Variants in KCNAB1 observed in about 807,000 individuals in gnomAD.
KCNAB1 encodes the protein voltage-gated potassium channel subunit beta-1.
In KCNAB1, 35 loss-of-function variants were observed where a neutral mutation model predicts 64.6. The ratio of observed to expected loss-of-function variants is 0.54; its 90% CI spans 0.41 to 0.72. The LOEUF (loss-of-function observed/expected upper bound fraction) is 0.72, where lower values mean the gene tolerates loss of function less well. Ranked by LOEUF, KCNAB1 falls within the 30% of genes least tolerant of loss-of-function variation. The probability of loss-of-function intolerance (pLI) is 0.00; values close to 1 mark genes in which losing one functional copy is unlikely to be tolerated. For missense variants in KCNAB1, 401 were observed against 512.9 expected (o/e 0.78, Z 2.11); for synonymous variants, 177 against 183.8 (o/e 0.96, Z 0.30).
chr3:156,319,100 C>T (rs1560193346), intron 1 of KCNAB1, among the ~76,000 whole-genome samples: 1 of 151,998 alleles, frequency 6.6e-6, no homozygotes, highest in Admixed American at 6.6e-5. Context: ...CAAAGCTTTA[C>T]AATTAAAAGA....
At chr3:156,499,249 T>TTGGC (rs1716216065) in intron 8 of KCNAB1, among the ~76,000 whole-genome samples, 1 of 152,234 alleles carries the variant, frequency 6.6e-6, no homozygotes, top group Non-Finnish European at 1.5e-5. Context: ...CAGTCCTGAT[T>TTGGC]TGGCTCCTTC....
At chr3:156,403,781 C>G (rs1385226427) in intron 1 of KCNAB1, among the ~76,000 whole-genome samples, 2 of 152,014 alleles carry the variant, frequency 1.3e-5, no homozygotes, top group Non-Finnish European at 2.9e-5. Flanking sequence ...GTAATCCCAG[C>G]TACTCAGGAG....
chr3:156,497,260 A>G (rs1277713598), intron 8 of KCNAB1, among the ~76,000 whole-genome samples: 1 of 152,178 alleles, frequency 6.6e-6, no homozygotes, highest in Non-Finnish European at 1.5e-5. Context: ...TAACATTAAG[A>G]AAGCATCTCC....
chr3:156,128,407 T>C (rs1211952626), intron 1 of KCNAB1, among the ~76,000 whole-genome samples: 3 of 152,380 alleles, frequency 2.0e-5, no homozygotes, highest in Middle Eastern at 3.4e-3. Context: ...AAAAATTCTC[T>C]TTGATTTTCA....
rs558408114 is a variant in KCNAB1 at position 156,451,926 on chromosome 3, T to C, written c.320-973T>C. ...CCTAGAATGCCACCACCCTCCAATC[T>C]AAATAGAGCACTCCCTTTTATCTGC... On this transcript the variant is annotated intron_variant, in intron 2 of 13. Coordinates refer to ENST00000490337, the MANE Select transcript of KCNAB1 (RefSeq NM_172160.3). Among the ~76,000 whole-genome samples the C allele has an allele frequency of 1.8e-4, 27 of 152,240 alleles. No homozygotes were observed. The South Asian group carries it at 4.6e-3, about 26-fold the overall frequency.
rs150921882 is a variant in KCNAB1 at position 156,120,757 on chromosome 3, C to T, written c.146C>T (p.Pro49Leu). ...AACGCTAAAGACAGCAGCCTTAGTC[C>T]CTCAGGGGAAAGCCAGCTCAGGGCG... The part of the protein sequence containing the change: ...SENAKDSSLS[P>L]SGESQLRARQ... The change falls in exon 1 of 14, where the codon CCC (proline) becomes CTC (leucine). Residue 49 changes from proline (P) to leucine (L), a missense_variant. Pro to Leu is a moderately conservative substitution (Grantham distance 98). Coordinates refer to ENST00000490337, the MANE Select transcript of KCNAB1 (RefSeq NM_172160.3). 14 of 1,613,782 alleles carry T rather than the reference C, an allele frequency of 8.7e-6. No individual in the cohort carries two copies. In the African/African-American group the frequency reaches 1.6e-4, roughly 18 times the overall value.
chr3:156,392,039 G>A (rs933240474), intron 1 of KCNAB1, among the ~76,000 whole-genome samples: 1 of 152,052 alleles, frequency 6.6e-6, no homozygotes, highest in Non-Finnish European at 1.5e-5. Context: ...TTTCTCATTC[G>A]GGCCCCACTC....
chr3:156,238,384 T>C (rs1257159944), intron 1 of KCNAB1, among the ~76,000 whole-genome samples: 3 of 137,706 alleles, frequency 2.2e-5, no homozygotes, highest in African/African-American at 5.6e-5. Context: ...ATCACGCCAC[T>C]GCACTCTGGC....
intron 1 of KCNAB1, among the ~76,000 whole-genome samples, chr3:156,211,843 T>C (rs1014367017): frequency 6.6e-6 from 1 of 152,222 alleles, no homozygotes; most frequent in Non-Finnish European, 1.5e-5. Flanking sequence ...CAGAATTTCT[T>C]ATCTGAGATG....
chr3:156,153,372 C>A (rs929422122), intron 1 of KCNAB1, among the ~76,000 whole-genome samples: 1 of 152,164 alleles, frequency 6.6e-6, no homozygotes, highest in African/African-American at 2.4e-5. Flanking sequence ...TGGCATAGCC[C>A]ACTGTATGTT....
intron 8 of KCNAB1, among the ~76,000 whole-genome samples, chr3:156,498,032 G>A (rs1019124873): frequency 1.3e-5 from 2 of 152,116 alleles, no homozygotes; most frequent in Non-Finnish European, 2.9e-5. Context: ...TTTGAAAAGA[G>A]CCCCTGTCAA....
At chr3:156,374,409 G>GCCTC in intron 1 of KCNAB1, among the ~76,000 whole-genome samples, 3 of 85,258 alleles carry the variant, frequency 3.5e-5, no homozygotes, top group East Asian at 2.1e-4. Flanking sequence ...TTTCAGTGTT[G>GCCTC]AGCCATACCC....
chr3:156,215,736 T>A (rs1715275544), intron 1 of KCNAB1: 1 of 152,276 alleles, frequency 6.6e-6, no homozygotes, highest in South Asian at 2.1e-4. Flanking sequence ...CATCACAGGC[T>A]ACCTGGGGAG....
At chr3:156,223,747 C>T (rs1196821424) in intron 1 of KCNAB1, among the ~76,000 whole-genome samples, 1 of 152,210 alleles carries the variant, frequency 6.6e-6, no homozygotes, top group Non-Finnish European at 1.5e-5. Flanking sequence ...GTTTACAAAC[C>T]TTGAGCTAGA....
intron 1 of KCNAB1, among the ~76,000 whole-genome samples, chr3:156,220,568 A>AT (rs1211567313): frequency 6.6e-6 from 1 of 151,518 alleles, no homozygotes; most frequent in Non-Finnish European, 1.5e-5. Flanking sequence ...TGGAGTTTTG[A>AT]TTTTTTCTTG....
At chr3:156,291,811 C>T in intron 1 of KCNAB1, 2 of 1,579,278 alleles carry the variant, frequency 1.3e-6, no homozygotes, top group Non-Finnish European at 1.7e-6. Context: ...GCAAGGAGGG[C>T]TTAAAAGAAA....
At chr3:156,327,188 G>T (rs943012890) in intron 1 of KCNAB1, among the ~76,000 whole-genome samples, 1 of 152,162 alleles carries the variant, frequency 6.6e-6, no homozygotes, top group Non-Finnish European at 1.5e-5. Context: ...GACAGCAGAA[G>T]AATTTTGTGT....
At chr3:156,441,457 A>G (rs1716990565) in intron 2 of KCNAB1, 1 of 152,232 alleles carries the variant, frequency 6.6e-6, no homozygotes, top group African/African-American at 2.4e-5. Flanking sequence ...TAAATAAAAA[A>G]GAAATAAAAA....
intron 1 of KCNAB1, among the ~76,000 whole-genome samples, chr3:156,254,122 T>C (rs1717973147): frequency 1.3e-5 from 2 of 152,190 alleles, no homozygotes; most frequent in Non-Finnish European, 2.9e-5. Context: ...ACAAGAGGTA[T>C]TAGTAAAGAG....
Sources: allele counts gnomAD v4.1 joint callset (sites outside exome capture counted in the v4.1 genomes callset), GRCh38; gene constraint gnomAD v4.1.1; transcripts MANE v1.5; gene names NCBI Gene and HGNC (gene_info 2026-07-23, HGNC 2026-07-21).